Variants in MTMR8 observed in about 807,000 individuals in gnomAD.
MTMR8 encodes myotubularin related protein 8, also known as phosphatidylinositol-3,5-bisphosphate 3-phosphatase MTMR8.
Under a neutral mutation model 39.3 loss-of-function variants are expected in MTMR8, and 65 were observed. That is an observed-to-expected ratio of 1.65 (90% CI 1.35 to 2.03). MTMR8 has a LOEUF of 2.03. Among genes scored for constraint, MTMR8 ranks in the 30% most tolerant of loss-of-function variants. MTMR8 has a pLI of 0.00. For missense variants in MTMR8, 777 were observed against 538.9 expected, an observed-to-expected ratio of 1.44 and a Z score of -4.37; for synonymous variants, 245 against 185.2, an observed-to-expected ratio of 1.32 and a Z score of -2.62.
intron 12 of MTMR8, among the ~76,000 whole-genome samples, chrX:64,311,568 C>T (rs964052651): frequency 1.6e-4 from 18 of 111,442 alleles, no homozygotes; most frequent in Non-Finnish European, 3.0e-4. Flanking sequence ...AAGTCCTTGC[C>T]TATGCCTATG....
intron 1 of MTMR8, among the ~76,000 whole-genome samples, chrX:64,370,156 T>A (rs1326783248): frequency 9.0e-6 from 1 of 110,991 alleles, no homozygotes; most frequent in Non-Finnish European, 1.9e-5. Flanking sequence ...ATGAACTCAA[T>A]GCAATACACC....
At position 64,332,444 on chromosome X, in the gene MTMR8, C is replaced by T. The variant is rs192939305; in HGVS notation, c.1152-687G>A. Among the ~76,000 whole-genome samples, 7 of 111,717 alleles carry T rather than the reference C, an allele frequency of 6.3e-5. No homozygotes were observed. The East Asian group carries it at 8.5e-4, about 14-fold the overall frequency. ...CAACGATACCACCTTTCCTTGGGGTCAAATAAAAATGGAGAATGCTGATCA... is the reference window on the plus strand; with the variant it reads ...CAACGATACCACCTTTCCTTGGGGTTAAATAAAAATGGAGAATGCTGATCA... On this transcript the variant is annotated intron_variant, in intron 10 of 13. Transcript: ENST00000374852.
At chrX:64,305,490 G>T in intron 12 of MTMR8, 1 of 311,519 alleles carries the variant, frequency 3.2e-6, no homozygotes, top group Non-Finnish European at 5.9e-6. Flanking sequence ...TTTCTCTTTG[G>T]GATGTGTCAG....
At chrX:64,294,003 G>T (rs1430375276) in intron 12 of MTMR8, among the ~76,000 whole-genome samples, 1 of 111,542 alleles carries the variant, frequency 9.0e-6, no homozygotes, top group Non-Finnish European at 1.9e-5. Context: ...AGGGCAGGTG[G>T]TAAATACGGC....
At chrX:64,378,064 T>A (rs773474184) in intron 1 of MTMR8, among the ~76,000 whole-genome samples, 1 of 112,139 alleles carries the variant, frequency 8.9e-6, no homozygotes, top group Non-Finnish European at 1.9e-5. Flanking sequence ...TCCTGAGTCC[T>A]TCCCAGCCAT....
At position 64,343,666 on chromosome X, in the gene MTMR8, G is replaced by A. The variant is rs748044860; in HGVS notation, c.920C>T (p.Ser307Leu). Residue 307 changes from serine to leucine, a missense_variant, in exon 8 of 14, where the codon TCA becomes TTA. By Grantham distance (145) the Ser-to-Leu change is moderately radical (BLOSUM62 -2). Coordinates refer to ENST00000374852, the MANE Select transcript of MTMR8 (RefSeq NM_017677.4). Reference protein sequence around the residue: ...MSEFLSGLESSGWLRHIKAIM... With the variant: ...MSEFLSGLESLGWLRHIKAIM... ...AGCTTTAATGTGTCTTAACCACCCT[G>A]AGCTCTCCAGGCCGCTAAGAAATTC... is the stretch of plus-strand genomic sequence containing the variant. 1.7e-5 allele frequency: 20 copies of A among 1,208,808 alleles called. No individual in the cohort carries two copies. Among genetic ancestry groups the A allele is most frequent in the Middle Eastern group, 2.3e-4 (1 of 4,347 alleles).
chrX:64,323,836 A>C (rs1403209392), intron 12 of MTMR8, among the ~76,000 whole-genome samples: 2 of 112,551 alleles, frequency 1.8e-5, no homozygotes, highest in African/African-American at 6.5e-5. Flanking sequence ...TGAAGAAATT[A>C]AAAGGAAGTC....
chrX:64,280,065 C>T (rs1931968447), intron 12 of MTMR8, among the ~76,000 whole-genome samples: 1 of 111,618 alleles, frequency 9.0e-6, no homozygotes, highest in Non-Finnish European at 1.9e-5. Context: ...AATAGCCTAC[C>T]AACTAAAAAA....
At chrX:64,390,412 G>A (rs188503334) in intron 1 of MTMR8, among the ~76,000 whole-genome samples, 10 of 111,660 alleles carry the variant, frequency 9.0e-5, no homozygotes, top group South Asian at 7.6e-4. Context: ...TTTGGATGTC[G>A]TTTCTGTGAT....
rs755156742 is a variant in MTMR8, at chrX:64,395,383, G to T, written c.-20C>A. On this transcript the variant is annotated 5_prime_UTR_variant, in exon 1 of 14. Coordinates refer to ENST00000374852, the MANE Select transcript of MTMR8 (RefSeq NM_017677.4). ...ATCCATGACTGCAGTTCCCGCCACCGGAAGATCTCAGTGCTACTCCAGATG... is the reference window on the plus strand; with the variant it reads ...ATCCATGACTGCAGTTCCCGCCACCTGAAGATCTCAGTGCTACTCCAGATG... The T allele has an allele frequency of 6.6e-6, 8 of 1,207,918 alleles. No homozygotes were observed. The South Asian group carries it at 1.4e-4, about 21-fold the overall frequency.
At chrX:64,271,451 T>C (rs186349211) in intron 12 of MTMR8, among the ~76,000 whole-genome samples, 1 of 112,466 alleles carries the variant, frequency 8.9e-6, no homozygotes, top group Non-Finnish European at 1.9e-5. Flanking sequence ...GATACACTGA[T>C]TTAATTGCAA....
chrX:64,301,860 C>T (rs1921890817), intron 12 of MTMR8, among the ~76,000 whole-genome samples: 2 of 111,958 alleles, frequency 1.8e-5, no homozygotes, highest in South Asian at 7.5e-4. Flanking sequence ...TGGGTGGTGC[C>T]TCCCAGTTAG....
intron 11 of MTMR8, among the ~76,000 whole-genome samples, chrX:64,330,794 G>C (rs1259643505): frequency 1.8e-5 from 2 of 111,734 alleles, no homozygotes; most frequent in African/African-American, 6.5e-5. Flanking sequence ...TTCAGCTCTA[G>C]CTGTTTATTA....
At chrX:64,288,537 T>G (rs1169727348) in intron 12 of MTMR8, among the ~76,000 whole-genome samples, 2 of 111,796 alleles carry the variant, frequency 1.8e-5, no homozygotes, top group Non-Finnish European at 3.8e-5. Context: ...CAAAGGAATA[T>G]AAATCATGCT....
intron 12 of MTMR8, among the ~76,000 whole-genome samples, chrX:64,273,800 G>A (rs974755221): frequency 9.0e-6 from 1 of 111,394 alleles, no homozygotes; most frequent in African/African-American, 3.3e-5. Context: ...AAAAAAGCAG[G>A]TGTGGCAATA....
At chrX:64,377,077 G>T (rs1053670604) in intron 1 of MTMR8, among the ~76,000 whole-genome samples, 4 of 112,503 alleles carry the variant, frequency 3.6e-5, no homozygotes, top group Admixed American at 9.4e-5. Flanking sequence ...AAGAGTTGAG[G>T]CCTAGGAGCC....
rs377690110 is a variant in MTMR8, at chrX:64,295,008, G to A, written c.1482-23935C>T. On this transcript the variant is annotated intron_variant, in intron 12 of 13. Transcript: ENST00000374852. Reference sequence around the variant, plus strand: ...AAGTATTCTCAGTCTGGTAAGACAAGCTCCTAGTGCTCCAACCTCCCACAC... The same window carrying A: ...AAGTATTCTCAGTCTGGTAAGACAAACTCCTAGTGCTCCAACCTCCCACAC... Among the ~76,000 whole-genome samples the A allele has an allele frequency of 5.0e-4, 55 of 110,959 alleles. No homozygotes were observed. In the East Asian group the frequency reaches 0.013, roughly 27 times the overall value.
In MTMR8 at chrX:64,268,657, G is replaced by A. The variant is rs754787644; in HGVS notation, c.1995C>T (p.Gly665=). 1.7e-5 allele frequency: 21 copies of A among 1,209,755 alleles called. No homozygotes were observed. Among genetic ancestry groups the A allele is most frequent in the Non-Finnish European group, 1.3e-5 (12 of 895,203 alleles). The change falls in exon 14 of 14, where the codon GGC becomes GGT. Residue 665 remains glycine (G), a synonymous_variant. Coordinates refer to ENST00000374852, the MANE Select transcript of MTMR8 (RefSeq NM_017677.4). Reference sequence around the variant, plus strand: ...CAGAAATACCCAAGTTTCCAGAGATGCCAGTGGCCTCAGAGATGTCCATGG... The same window carrying A: ...CAGAAATACCCAAGTTTCCAGAGATACCAGTGGCCTCAGAGATGTCCATGG... ...CGAMDISEAT[G]ISGNLGISEA... is the part of the protein sequence containing the mutation.
At chrX:64,391,017 CCAT>C in intron 1 of MTMR8, among the ~76,000 whole-genome samples, 1 of 112,132 alleles carries the variant, frequency 8.9e-6, no homozygotes, top group Middle Eastern at 4.6e-3. Context: ...AGTTGTACAA[CCAT>C]CATCACAATG....
Sources: allele counts gnomAD v4.1 joint callset (sites outside exome capture counted in the v4.1 genomes callset), GRCh38; gene constraint gnomAD v4.1.1; transcripts MANE v1.5; gene names NCBI Gene and HGNC (gene_info 2026-07-23, HGNC 2026-07-21).